The following KRTAP2-2 variants were observed in gnomAD, a reference collection of about 807,000 sequenced individuals.
KRTAP2-2 encodes putative keratin-associated protein ENSP00000381495.
In KRTAP2-2, 3 loss-of-function variants were observed where a neutral mutation model predicts 10.2. The observed-to-expected ratio is 0.29, with a 90% confidence interval of 0.13 to 0.76. The LOEUF (loss-of-function observed/expected upper bound fraction) is 0.76. Ranked by LOEUF, KRTAP2-2 falls within the 30% of genes least tolerant of loss-of-function variation. The pLI is 0.67. For synonymous variants in KRTAP2-2, 20 were observed against 70.8 expected (o/e 0.28, Z 3.60); for missense variants, 54 against 163.6 (o/e 0.33, Z 3.65).
exon 1 of KRTAP2-2, chr17:41,054,622 G>A: frequency 7.4e-7 from 1 of 1,355,940 alleles, no homozygotes; most frequent in Non-Finnish European, 9.9e-7. Flanking sequence ...AATGCATAGT[G>A]TGAGCTAGTA....
At chr17:41,054,975 G>A (rs1371027013) in exon 1 of KRTAP2-2, 2 of 1,127,624 alleles carry the variant, frequency 1.8e-6, no homozygotes, top group Non-Finnish European at 2.5e-6. Context: ...ACGAGGGGCA[G>A]CAGGTGATGG....
At chr17:41,054,667 T>G in exon 1 of KRTAP2-2, 1 of 1,509,726 alleles carries the variant, frequency 6.6e-7, no homozygotes. Flanking sequence ...CAAGGAAACG[T>G]GTATTGCTCT....
chr17:41,054,645 A>G, exon 1 of KRTAP2-2: 1 of 1,460,930 alleles, frequency 6.8e-7, no homozygotes, highest in East Asian at 2.5e-5. Context: ...AAGAGATGAG[A>G]AATGGGCTTC....
At chr17:41,054,553 T>C in exon 1 of KRTAP2-2, 2 of 726,448 alleles carry the variant, frequency 2.8e-6, no homozygotes, top group South Asian at 1.9e-5. Flanking sequence ...ATATAGGAGT[T>C]AGACTGGAGT....
chr17:41,055,028 C>G (rs1184430602), exon 1 of KRTAP2-2: 2 of 1,108,396 alleles, frequency 1.8e-6, no homozygotes, highest in East Asian at 2.6e-5. Context: ...TCGCAGCACA[C>G]CGGGCGGCGG....
chr17:41,055,160 C>T, exon 1 of KRTAP2-2: 1 of 1,390,832 alleles, frequency 7.2e-7, no homozygotes, highest in Non-Finnish European at 9.5e-7. Flanking sequence ...TGGCAGCAGC[C>T]TCCCCCGTAG....
chr17:41,055,201 G>A (rs2013055048), exon 1 of KRTAP2-2: 2 of 1,420,596 alleles, frequency 1.4e-6, no homozygotes, highest in Non-Finnish European at 1.8e-6. Context: ...GCCGCAGCAG[G>A]AGCCGGTCAT....
At chr17:41,055,114 G>A (rs2013052599) in exon 1 of KRTAP2-2, 22 of 1,317,128 alleles carry the variant, frequency 1.7e-5, no homozygotes, top group Non-Finnish European at 2.2e-5. Flanking sequence ...GCAGGTCACG[G>A]GGCGGCAGCA....
At chr17:41,054,724 AG>A in exon 1 of KRTAP2-2, 1 of 1,538,302 alleles carries the variant, frequency 6.5e-7, no homozygotes. Flanking sequence ...CCATCTTCTG[AG>A]GGGCCCTTCG....
chr17:41,054,705 T>C, exon 1 of KRTAP2-2: 1 of 1,535,946 alleles, frequency 6.5e-7, no homozygotes, highest in Non-Finnish European at 8.7e-7. Flanking sequence ...GGCAGCGGGA[T>C]GGACCTGGCC....
At chr17:41,055,047 G>A (rs2013050532) in exon 1 of KRTAP2-2, 2 of 1,165,908 alleles carry the variant, frequency 1.7e-6, no homozygotes, top group Non-Finnish European at 2.3e-6. Flanking sequence ...GGCAGGGCTC[G>A]CAGATGGGGC....
chr17:41,054,666 G>A (rs2013036932), exon 1 of KRTAP2-2: 1 of 1,509,252 alleles, frequency 6.6e-7, no homozygotes. Flanking sequence ...TCAAGGAAAC[G>A]TGTATTGCTC....
chr17:41,054,587 G>T, exon 1 of KRTAP2-2: 1 of 999,416 alleles, frequency 1.0e-6, no homozygotes, highest in Non-Finnish European at 1.4e-6. Context: ...TTTCTCATCT[G>T]TGGTTGGTCT....
chr17:41,054,665 C>T, exon 1 of KRTAP2-2: 3 of 1,505,902 alleles, frequency 2.0e-6, no homozygotes, highest in Admixed American at 2.0e-5. Context: ...CTCAAGGAAA[C>T]GTGTATTGCT....
At chr17:41,055,139 AGCAGCAGGGCTG>A in exon 1 of KRTAP2-2, 1 of 1,355,232 alleles carries the variant, frequency 7.4e-7, no homozygotes. Flanking sequence ...GGGTCGCGGC[AGCAGCAGGGCTG>A]GCAGCAGCCT....
chr17:41,054,536 C>T, exon 1 of KRTAP2-2: 2 of 656,714 alleles, frequency 3.0e-6, no homozygotes, highest in Non-Finnish European at 5.1e-6. Context: ...AGAAAGCAGA[C>T]AACATGATAT....
At chr17:41,055,127 A>G in exon 1 of KRTAP2-2, 1 of 1,330,906 alleles carries the variant, frequency 7.5e-7, no homozygotes, top group South Asian at 1.5e-5. Flanking sequence ...CGGCAGCAGC[A>G]GGGGTCGCGG....
exon 1 of KRTAP2-2, chr17:41,055,195 C>T: frequency 7.0e-7 from 1 of 1,422,016 alleles, no homozygotes; most frequent in Non-Finnish European, 9.2e-7. Flanking sequence ...GGTGGAGCCG[C>T]AGCAGGAGCC....
rs573945581 is a variant in KRTAP2-2, at chr17:41,055,147, G to C, written c.65C>G (p.Pro22Arg). 83 of 1,374,182 alleles carry C rather than the reference G, an allele frequency of 6.0e-5. No individual in the cohort carries two copies. Among genetic ancestry groups the C allele is most frequent in the Admixed American group, 1.3e-4 (5 of 38,950 alleles). 85.1% of individuals were successfully genotyped at this position (1,374,182 alleles called of 1,614,324 possible). Residue 22 changes from proline (P) to arginine (R), a missense_variant, in exon 1 of 1, where the codon CCC becomes CGC. By Grantham distance (103) the Pro-to-Arg change is moderately radical (BLOSUM62 -2). Transcript: ENST00000398477. ...GCAGCAGGGGTCGCGGCAGCAGCAG[G>C]GCTGGCAGCAGCCTCCCCCGTAGCT...
Sources: gnomAD v4.1 joint callset for allele counts on GRCh38, gnomAD v4.1.1 for gene constraint, MANE v1.5 for transcripts, NCBI Gene and HGNC (gene_info 2026-07-23, HGNC 2026-07-21) for gene names.